NPFFR1: variants seen among roughly 807,000 people sequenced by gnomAD.
The protein encoded by NPFFR1 is neuropeptide FF receptor 1.
Under a neutral mutation model 12.7 loss-of-function variants are expected in NPFFR1, and 17 were observed. That is an observed-to-expected ratio of 1.34 (90% confidence interval 0.92 to 2.01). NPFFR1 has a LOEUF of 2.01. Among genes scored for constraint, NPFFR1 ranks in the 30% most tolerant of loss-of-function variants. NPFFR1 has a pLI of 0.00. For missense variants in NPFFR1, 604 were observed against 606.5 expected (o/e 1.00, Z 0.04); for synonymous variants, 296 against 264.5 (o/e 1.12, Z -1.16).
At chr10:70,278,592 C>A (rs1215838106) in intron 1 of NPFFR1, among the ~76,000 whole-genome samples, 1 of 152,154 alleles carries the variant, frequency 6.6e-6, no homozygotes, top group African/African-American at 2.4e-5. Context: ...GTTCTAGGGA[C>A]CCCTAGGCTG....
Position 70,255,546 on chromosome 10 carries a change from A to T in NPFFR1, c.704T>A (p.Met235Lys). Reference sequence around the variant, plus strand: ...GAGCTTGCGCGCGATGCGGGCGTACATGACCACGATGAGCGCCAGCGGCGC... The same window carrying T: ...GAGCTTGCGCGCGATGCGGGCGTACTTGACCACGATGAGCGCCAGCGGCGC... The part of the protein sequence containing the change: ...YLAPLALIVV[M>K]YARIARKLCQ... The change falls in exon 4 of 4, where the codon ATG becomes AAG. Residue 235 changes from methionine to lysine, a missense_variant. Coordinates refer to ENST00000277942, the MANE Select transcript of NPFFR1 (RefSeq NM_022146.5). The surrounding 1 kb of genome is among the most constrained non-coding windows in gnomAD (Gnocchi z 4.2). 1.9e-6 allele frequency: 3 copies of T among 1,550,440 alleles called. No homozygotes were observed. The highest frequency in any genetic ancestry group is 2.4e-5 in the South Asian group (2 of 84,052).
chr10:70,252,428 T>C lies in NPFFR1; in HGVS notation c.*2529A>G, dbSNP rs1396819932. The C allele has an allele frequency of 6.6e-6, 1 of 152,170 alleles. No homozygotes were observed. The highest frequency in any genetic ancestry group is 1.5e-5 in the Non-Finnish European group (1 of 68,026). The allele number at this position is 152,170 out of a possible 1,614,324, so 9.4% of individuals were successfully genotyped here. A position where few individuals can be genotyped will look rare whatever the true frequency, so the allele number is the denominator to read the frequency against. ...GATACAGAGTTGCAGTTTGGGATAATAAAAAATTCTGAAAATAGATAGTGG... is the reference window on the plus strand; with the variant it reads ...GATACAGAGTTGCAGTTTGGGATAACAAAAAATTCTGAAAATAGATAGTGG... On this transcript the variant is annotated 3_prime_UTR_variant, in exon 4 of 4. Transcript: ENST00000277942.
rs565627557 is a variant in NPFFR1, at chr10:70,268,639, C to T, written c.8-2248G>A. On this transcript the variant is annotated intron_variant, in intron 1 of 3. Coordinates refer to ENST00000277942, the MANE Select transcript of NPFFR1 (RefSeq NM_022146.5). ...GTGCTGGCCATTGGCTGGGATGTCT[C>T]AGTTCTCCACTCAGCCTCTCATCCT... Among the ~76,000 whole-genome samples the T allele has an allele frequency of 2.6e-5, 4 of 152,282 alleles. No individual in the cohort carries two copies. In the East Asian group the frequency reaches 7.7e-4, roughly 29 times the overall value.
chr10:70,264,543 T>C (rs1036148659), intron 2 of NPFFR1, among the ~76,000 whole-genome samples: 1 of 152,162 alleles, frequency 6.6e-6, no homozygotes, highest in Non-Finnish European at 1.5e-5. Flanking sequence ...CTTTTATTTA[T>C]TAATATGGGA....
intron 1 of NPFFR1, among the ~76,000 whole-genome samples, chr10:70,281,354 A>G (rs1306655272): frequency 1.3e-5 from 2 of 152,174 alleles, no homozygotes; most frequent in Non-Finnish European, 2.9e-5. Flanking sequence ...GAGTGTCCCC[A>G]GCAGGATAGA....
intron 3 of NPFFR1, among the ~76,000 whole-genome samples, chr10:70,256,762 C>G (rs936476617): frequency 5.9e-5 from 9 of 152,188 alleles, no homozygotes; most frequent in Non-Finnish European, 1.3e-4. Context: ...GTTCACATAG[C>G]AAGTTGCAAG....
At chr10:70,273,672 G>T (rs1038101958) in intron 1 of NPFFR1, among the ~76,000 whole-genome samples, 1 of 152,138 alleles carries the variant, frequency 6.6e-6, no homozygotes, top group Non-Finnish European at 1.5e-5. Flanking sequence ...TGCACCAACC[G>T]CTGGCCAGAG....
intron 1 of NPFFR1, among the ~76,000 whole-genome samples, chr10:70,276,145 C>T (rs10999231): frequency 0.24 from 37,277 of 152,156 alleles, 5,672 homozygotes; most frequent in South Asian, 0.43. Flanking sequence ...GAGGCTTCTG[C>T]TACAAAGCTG....
intron 1 of NPFFR1, among the ~76,000 whole-genome samples, chr10:70,266,678 C>G (rs1161307702): frequency 2.6e-5 from 4 of 152,200 alleles, no homozygotes; most frequent in African/African-American, 9.7e-5. Context: ...TTTCTTGGCC[C>G]TCCTGTGTGC....
At chr10:70,267,294 C>T (rs1207417935) in intron 1 of NPFFR1, among the ~76,000 whole-genome samples, 1 of 152,172 alleles carries the variant, frequency 6.6e-6, no homozygotes. Flanking sequence ...TTGCCTCCTC[C>T]CATCCCATGA....
chr10:70,277,130 G>A (rs1159748477), intron 1 of NPFFR1, among the ~76,000 whole-genome samples: 3 of 152,228 alleles, frequency 2.0e-5, no homozygotes, highest in African/African-American at 7.2e-5. Context: ...TGGTCCCAAT[G>A]AGAACCAGGC....
chr10:70,269,875 C>T (rs969454404), intron 1 of NPFFR1, among the ~76,000 whole-genome samples: 3 of 152,212 alleles, frequency 2.0e-5, no homozygotes, highest in Admixed American at 6.5e-5. Flanking sequence ...CCCAGTGCCA[C>T]TCTCCCCTTT....
At chr10:70,265,552 A>G (rs55993119) in intron 2 of NPFFR1, among the ~76,000 whole-genome samples, 13,769 of 152,256 alleles carry the variant, frequency 0.09, 693 homozygotes, top group Middle Eastern at 0.18. Flanking sequence ...GCCCTGCTCA[A>G]TTTCCAGCTC....
intron 1 of NPFFR1, among the ~76,000 whole-genome samples, chr10:70,272,899 A>G (rs1053468024): frequency 2.6e-5 from 4 of 152,260 alleles, no homozygotes; most frequent in Admixed American, 2.6e-4. Flanking sequence ...ACAAAATAGT[A>G]TGTACATGCA....
chr10:70,249,525 T>A lies in NPFFR1; in HGVS notation c.*5432A>T, dbSNP rs1016781927. The stretch of plus-strand genomic sequence containing the variant: ...TGAGATGGAATCTCACTCTGTCACC[T>A]AGGCTGGAGTGCAGTGGCGCCATCT... On this transcript the variant is annotated 3_prime_UTR_variant, in exon 4 of 4. Coordinates refer to ENST00000277942, the MANE Select transcript of NPFFR1 (RefSeq NM_022146.5). 6.6e-6 allele frequency: 1 copy of A among 152,032 alleles called. No individual in the cohort carries two copies. Among genetic ancestry groups the A allele is most frequent in the Non-Finnish European group, 1.5e-5 (1 of 68,000 alleles). The allele number at this position is 152,032 out of a possible 1,614,324, so 9.4% of individuals were successfully genotyped here. A position where few individuals can be genotyped will look rare whatever the true frequency, so the allele number is the denominator to read the frequency against.
At chr10:70,270,230 A>G (rs1840732515) in intron 1 of NPFFR1, among the ~76,000 whole-genome samples, 1 of 152,228 alleles carries the variant, frequency 6.6e-6, no homozygotes, top group African/African-American at 2.4e-5. Context: ...AAAGAAAGGA[A>G]GGTGGATCCT....
Position 70,248,467 on chromosome 10 carries a change from G to GTTTTTTTTTTTTTTTTTT in NPFFR1, c.*6489_*6490insAAAAAAAAAAAAAAAAAA, listed in dbSNP as rs71472949. 1.7e-4 allele frequency: 16 copies of GTTTTTTTTTTTTTTTTTT among 96,740 alleles called. 4 individuals carry two copies. Among genetic ancestry groups the GTTTTTTTTTTTTTTTTTT allele is most frequent in the Non-Finnish European group, 2.4e-4 (12 of 50,592 alleles). 6.0% of individuals were successfully genotyped at this position (96,740 alleles called of 1,614,324 possible). On this transcript the variant is annotated 3_prime_UTR_variant, in exon 4 of 4. Transcript: ENST00000277942. ...CAAAGTACGTAGTACTATGCCTGGC[G>GTTTTTTTTTTTTTTTTTT]TTTTTTTTTTGTTTTTTGTTTTTTT...
At chr10:70,256,862 CATTTCAACA>C (rs1245598070) in intron 3 of NPFFR1, among the ~76,000 whole-genome samples, 3 of 152,206 alleles carry the variant, frequency 2.0e-5, no homozygotes, top group Non-Finnish European at 4.4e-5. Context: ...TCTCCTGAAG[CATTTCAACA>C]ACAAAGACAA....
intron 3 of NPFFR1, among the ~76,000 whole-genome samples, chr10:70,260,174 G>A (rs934240744): frequency 2.6e-5 from 4 of 152,216 alleles, no homozygotes; most frequent in East Asian, 1.9e-4. Context: ...AGCGGTGAAC[G>A]TGGGGATTGA....
Sources: gnomAD v4.1 joint callset for allele counts (sites outside exome capture counted in the v4.1 genomes callset) on GRCh38, gnomAD v4.1.1 for gene constraint, Gnocchi (gnomAD v3.1) non-coding constraint, MANE v1.5 for transcripts, NCBI Gene and HGNC (gene_info 2026-07-23, HGNC 2026-07-21) for gene names.